TESK2: variants seen among roughly 807,000 people sequenced by gnomAD.
TESK2 encodes testis associated actin remodelling kinase 2.
Under a neutral mutation model 57.1 loss-of-function variants are expected in TESK2, and 39 were observed. The observed-to-expected ratio is 0.68, with a 90% confidence interval of 0.53 to 0.89. The LOEUF is 0.89. TESK2 is among the 40% of genes least tolerant of loss of function. The pLI, the probability that TESK2 is intolerant of heterozygous loss-of-function variation, is 0.00. For missense variants in TESK2, 646 were observed against 732.1 expected (o/e 0.88, Z 1.36); for synonymous variants, 249 against 267.9 (o/e 0.93, Z 0.69).
intron 3 of TESK2, among the ~76,000 whole-genome samples, chr1:45,388,484 T>G (rs895200408): frequency 1.3e-5 from 2 of 152,206 alleles, no homozygotes; most frequent in Non-Finnish European, 2.9e-5. Flanking sequence ...CTACCTGTTT[T>G]TATAAATTAA....
At chr1:45,426,145 T>C (rs1266459672) in intron 2 of TESK2, among the ~76,000 whole-genome samples, 1 of 151,984 alleles carries the variant, frequency 6.6e-6, no homozygotes, top group African/African-American at 2.4e-5. Context: ...AGCTGAGACT[T>C]TGTCTCAAAA....
intron 1 of TESK2, among the ~76,000 whole-genome samples, chr1:45,472,394 C>A (rs1419758999): frequency 6.6e-6 from 1 of 151,030 alleles, no homozygotes; most frequent in Non-Finnish European, 1.5e-5. Context: ...CCCACCTCTA[C>A]TAAAAATACA....
intron 3 of TESK2, among the ~76,000 whole-genome samples, chr1:45,390,322 C>T (rs903458193): frequency 1.4e-4 from 22 of 151,944 alleles, no homozygotes; most frequent in Admixed American, 1.3e-3. Flanking sequence ...AAAAATTAGC[C>T]AGGCATGGTG....
chr1:45,386,064 G>T (rs919775541), intron 3 of TESK2, 104 bp from the exon 4 acceptor site: 2 of 774,200 alleles, frequency 2.6e-6, no homozygotes, highest in African/African-American at 1.8e-5. Flanking sequence ...AACCTGTGGG[G>T]TGCGGCATGA....
Position 45,457,593 on chromosome 1 carries a change from C to T in TESK2, c.193G>A (p.Gly65Arg). 1 of 1,614,040 alleles carries T rather than the reference C, an allele frequency of 6.2e-7. No individual in the cohort carries two copies. Among genetic ancestry groups the T allele is most frequent in the Non-Finnish European group, 8.5e-7 (1 of 1,180,000 alleles). ...AACACTTCAGAAAAGAAGCCAGACC[C>T]TATTTTTTCACAGGTGAAATCATCC... ...RLDDFTCEKI[G>R]SGFFSEVFKV... is the part of the protein sequence containing the mutation. The change falls in exon 2 of 11, where the codon GGG (glycine) becomes AGG (arginine). Residue 65 changes from glycine to arginine, a missense_variant. Transcript: ENST00000372086.
chr1:45,363,424 T>C (rs1647777128), intron 4 of TESK2, among the ~76,000 whole-genome samples: 3 of 152,194 alleles, frequency 2.0e-5, no homozygotes, highest in Admixed American at 1.3e-4. Flanking sequence ...CCTGTTAAAA[T>C]TATTCAGTGA....
intron 1 of TESK2, among the ~76,000 whole-genome samples, chr1:45,469,640 G>C (rs1472732695): frequency 2.6e-5 from 4 of 152,048 alleles, no homozygotes; most frequent in African/African-American, 9.7e-5. Flanking sequence ...CCCTCAACAG[G>C]GTGAGTAAAA....
rs1177657060 is a variant in TESK2, at chr1:45,457,665, A to G, written c.121T>C (p.Ser41Pro). Residue 41 changes from serine to proline, a missense_variant, in exon 2 of 11, where the codon TCT becomes CCT. Physicochemically the swap from Ser to Pro is moderately conservative, Grantham distance 74. Transcript: ENST00000372086. ...NVSQVGRVWP[S>P]SYRALISAFS... ...GCACTTATAAGAGCTCGATACGAAG[A>G]TGGCCAAACTCTTCCCACCTGGCTC... The G allele has an allele frequency of 3.1e-6, 5 of 1,614,030 alleles. No individual in the cohort carries two copies. Among genetic ancestry groups the G allele is most frequent in the Non-Finnish European group, 4.2e-6 (5 of 1,180,026 alleles).
chr1:45,475,427 G>A (rs1246536866), intron 1 of TESK2, among the ~76,000 whole-genome samples: 3 of 151,904 alleles, frequency 2.0e-5, no homozygotes, highest in Non-Finnish European at 2.9e-5. Context: ...GACTGGTCTC[G>A]AACTCTTGAC....
intron 2 of TESK2, among the ~76,000 whole-genome samples, chr1:45,426,100 A>G (rs1570717785): frequency 6.6e-6 from 1 of 151,990 alleles, no homozygotes; most frequent in East Asian, 1.9e-4. Flanking sequence ...GCAGTGAGCC[A>G]AGATTGCACC....
intron 1 of TESK2, among the ~76,000 whole-genome samples, chr1:45,471,713 T>C (rs568443874): frequency 1.7e-4 from 26 of 151,644 alleles, no homozygotes; most frequent in African/African-American, 6.0e-4. Context: ...AACAAGATAA[T>C]TGTTAATGAC....
chr1:45,377,632 T>C (rs1331389203), intron 4 of TESK2, among the ~76,000 whole-genome samples: 2 of 150,526 alleles, frequency 1.3e-5, no homozygotes, highest in African/African-American at 2.4e-5. Flanking sequence ...TTGGCCAGGC[T>C]GGTCTCGAAC....
Position 45,346,983 on chromosome 1 carries a change from G to C in TESK2, c.788C>G (p.Thr263Arg), listed in dbSNP as rs374304316. The C allele has an allele frequency of 6.8e-6, 11 of 1,614,040 alleles. No homozygotes were observed. The highest frequency in any genetic ancestry group is 9.3e-6 in the Non-Finnish European group (11 of 1,180,004). ...IQADPDYLPR[T>R]ENFGLDYDAF... ...ATCCCCATGCTTGCAGCTCACCTCT[G>C]TGCGGGGAAGATAGTCCGGATCGGC... The change falls in exon 8 of 11, where the codon ACA becomes AGA. Residue 263 changes from threonine (T) to arginine (R), a missense_variant. Coordinates refer to ENST00000372086, the MANE Select transcript of TESK2 (RefSeq NM_007170.3).
chr1:45,415,388 C>A, intron 3 of TESK2: 2 of 877,470 alleles, frequency 2.3e-6, no homozygotes, highest in Admixed American at 3.6e-5. Flanking sequence ...ACCATTCCTT[C>A]TGTGGCTCAG....
At chr1:45,428,789 C>A (rs1650819305) in intron 2 of TESK2, among the ~76,000 whole-genome samples, 1 of 149,708 alleles carries the variant, frequency 6.7e-6, no homozygotes, top group African/African-American at 2.5e-5. Flanking sequence ...CAAACATGAG[C>A]CACTGCGCCC....
intron 3 of TESK2, among the ~76,000 whole-genome samples, chr1:45,400,958 G>T (rs1435500288): frequency 6.7e-6 from 1 of 148,402 alleles, no homozygotes; most frequent in Admixed American, 6.8e-5. Context: ...GGAGGCGGAG[G>T]TTGCAGTGAG....
rs892744685 is a variant in TESK2, at chr1:45,453,200, A to G, written c.222+4364T>C. Among the ~76,000 whole-genome samples, 9 of 151,964 alleles carry G rather than the reference A, an allele frequency of 5.9e-5. 1 individual carries two copies. Among genetic ancestry groups the G allele is most frequent in the African/African-American group, 2.2e-4 (9 of 41,382 alleles). ...CTCTACAAAAAAAAATACAAAAATTAGCCAGGTATGATGCTGTGTGTCTGT... is the reference window on the plus strand; with the variant it reads ...CTCTACAAAAAAAAATACAAAAATTGGCCAGGTATGATGCTGTGTGTCTGT... On this transcript the variant is annotated intron_variant, in intron 2 of 10. Coordinates refer to ENST00000372086, the MANE Select transcript of TESK2 (RefSeq NM_007170.3).
intron 3 of TESK2, among the ~76,000 whole-genome samples, chr1:45,394,039 C>G (rs1474682408): frequency 6.6e-6 from 1 of 152,124 alleles, no homozygotes; most frequent in Non-Finnish European, 1.5e-5. Context: ...TTACTTAACT[C>G]AGGAAGGGGG....
chr1:45,350,814 AC>A (rs1647220075), intron 5 of TESK2, among the ~76,000 whole-genome samples: 1 of 152,224 alleles, frequency 6.6e-6, no homozygotes, highest in Admixed American at 6.5e-5. Flanking sequence ...CTCTAATAGC[AC>A]AGCATAAATA....
Sources: gnomAD v4.1 joint callset for allele counts (sites outside exome capture counted in the v4.1 genomes callset) on GRCh38, gnomAD v4.1.1 for gene constraint, MANE v1.5 for transcripts, NCBI Gene and HGNC (gene_info 2026-07-23, HGNC 2026-07-21) for gene names.